Variants in RSU1 observed in about 807,000 individuals in gnomAD.
RSU1 encodes Ras suppressor protein 1, also known as rsu-1.
Under a neutral mutation model 31.1 loss-of-function variants are expected in RSU1, and 26 were observed. The ratio of observed to expected loss-of-function variants is 0.84; its 90% CI spans 0.61 to 1.16. The LOEUF (loss-of-function observed/expected upper bound fraction) is 1.16. Among genes scored for constraint, RSU1 ranks in the 50% most tolerant of loss-of-function variants. RSU1 has a pLI of 0.00. For missense variants in RSU1, 320 were observed against 339.1 expected (o/e 0.94, Z 0.44); for synonymous variants, 164 against 136.3 (o/e 1.20, Z -1.41).
chr10:16,622,025 T>C (rs1834079504), intron 8 of RSU1, among the ~76,000 whole-genome samples: 1 of 152,156 alleles, frequency 6.6e-6, no homozygotes, highest in East Asian at 1.9e-4. Flanking sequence ...TACTCCATTC[T>C]CCATGCTCTG....
At chr10:16,797,431 A>C (rs1352234749) in intron 2 of RSU1, among the ~76,000 whole-genome samples, 1 of 152,258 alleles carries the variant, frequency 6.6e-6, no homozygotes, top group East Asian at 1.9e-4. Context: ...TAGAAAAGCT[A>C]TCTAGAACTA....
chr10:16,669,053 T>C (rs1835054091), intron 8 of RSU1, among the ~76,000 whole-genome samples: 1 of 152,204 alleles, frequency 6.6e-6, no homozygotes, highest in Admixed American at 6.5e-5. Context: ...CTCACTACTT[T>C]GACCTGCAGT....
intron 2 of RSU1, among the ~76,000 whole-genome samples, chr10:16,803,609 T>C (rs1347190351): frequency 6.6e-6 from 1 of 152,164 alleles, no homozygotes; most frequent in African/African-American, 2.4e-5. Flanking sequence ...AACAAGACAG[T>C]GTGGAGTTGG....
At chr10:16,741,856 T>G (rs188764427) in intron 7 of RSU1, among the ~76,000 whole-genome samples, 340 of 152,328 alleles carry the variant, frequency 2.2e-3, no homozygotes, top group Non-Finnish European at 3.6e-3. Flanking sequence ...TTGGGGAAGC[T>G]TACATTCTAG....
chr10:16,621,353 C>T lies in RSU1; in HGVS notation c.732-27857G>A, dbSNP rs747343733. Among the ~76,000 whole-genome samples the T allele has an allele frequency of 3.9e-5, 6 of 152,230 alleles. No individual in the cohort carries two copies. The South Asian group carries it at 8.3e-4, about 21-fold the overall frequency. ...GGTAAAATTAAATCTGAGGCCCCTA[C>T]GAATATTAACACTATGGACACTGGC... On this transcript the variant is annotated intron_variant, in intron 8 of 8. Transcript: ENST00000345264.
chr10:16,735,941 G>C (rs1232226129), intron 7 of RSU1, among the ~76,000 whole-genome samples: 2 of 152,116 alleles, frequency 1.3e-5, no homozygotes, highest in Admixed American at 1.3e-4. Context: ...ATGCATGAGG[G>C]AAGGAAAATG....
At chr10:16,765,643 T>C (rs1837299079) in intron 3 of RSU1, among the ~76,000 whole-genome samples, 1 of 152,330 alleles carries the variant, frequency 6.6e-6, no homozygotes, top group South Asian at 2.1e-4. Flanking sequence ...TATTCAGTCT[T>C]TCTACAAACA....
intron 8 of RSU1, among the ~76,000 whole-genome samples, chr10:16,687,521 A>G (rs975500273): frequency 6.6e-6 from 1 of 152,202 alleles, no homozygotes; most frequent in Non-Finnish European, 1.5e-5. Flanking sequence ...CAAGGCAGAA[A>G]AAAAAATCCT....
chr10:16,730,239 A>G (rs549292235), intron 7 of RSU1, among the ~76,000 whole-genome samples: 79 of 152,294 alleles, frequency 5.2e-4, no homozygotes, highest in Middle Eastern at 3.4e-3. Context: ...ATCCGCCCCA[A>G]TGTCCCAAAG....
chr10:16,756,323 T>G lies in RSU1; in HGVS notation c.282-1334A>C, dbSNP rs555536451. Among the ~76,000 whole-genome samples the G allele has an allele frequency of 8.5e-5, 13 of 152,328 alleles. No individual in the cohort carries two copies. In the South Asian group the frequency reaches 2.7e-3, roughly 32 times the overall value. On this transcript the variant is annotated intron_variant, in intron 4 of 8. Transcript: ENST00000345264. Reference sequence around the variant, plus strand: ...TCTACTACAAAGACGGTACATTTTGTGTGCATTTTATCACAACCTAAAAAA... The same window carrying G: ...TCTACTACAAAGACGGTACATTTTGGGTGCATTTTATCACAACCTAAAAAA...
At chr10:16,688,654 T>C (rs539885560) in intron 8 of RSU1, among the ~76,000 whole-genome samples, 2 of 151,966 alleles carry the variant, frequency 1.3e-5, no homozygotes, top group Non-Finnish European at 1.5e-5. Flanking sequence ...ATGAAGAAAA[T>C]ATATATCACC....
chr10:16,807,306 C>T (rs1838294245), intron 2 of RSU1, among the ~76,000 whole-genome samples: 1 of 152,150 alleles, frequency 6.6e-6, no homozygotes, highest in African/African-American at 2.4e-5. Flanking sequence ...AATGGATATG[C>T]AAAGAAACGG....
intron 8 of RSU1, among the ~76,000 whole-genome samples, chr10:16,629,280 TATCAG>T (rs141129909): frequency 0.011 from 1,629 of 152,180 alleles, 23 homozygotes; most frequent in African/African-American, 0.037. Context: ...CCTACTTGAG[TATCAG>T]ATGTTTATGC....
intron 8 of RSU1, among the ~76,000 whole-genome samples, chr10:16,654,485 C>T (rs1834738876): frequency 6.7e-6 from 1 of 150,078 alleles, no homozygotes; most frequent in Non-Finnish European, 1.5e-5. Context: ...GCCCGAGCAA[C>T]ATGGTGAAAC....
chr10:16,790,383 G>T (rs1020759870), intron 2 of RSU1, among the ~76,000 whole-genome samples: 3 of 152,198 alleles, frequency 2.0e-5, no homozygotes, highest in African/African-American at 7.2e-5. Context: ...ACAACTTACG[G>T]AACAGAGAAT....
intron 8 of RSU1, among the ~76,000 whole-genome samples, chr10:16,643,221 A>G (rs1036313880): frequency 6.6e-6 from 1 of 152,184 alleles, no homozygotes; most frequent in Admixed American, 6.5e-5. Context: ...ATAAATAACA[A>G]TTTATAGAAG....
At chr10:16,611,461 T>C (rs1833890616) in intron 8 of RSU1, among the ~76,000 whole-genome samples, 1 of 152,206 alleles carries the variant, frequency 6.6e-6, no homozygotes, top group Non-Finnish European at 1.5e-5. Context: ...AACTGAAAAC[T>C]AAAGAAAAGG....
At chr10:16,703,230 T>C (rs1835830406) in intron 7 of RSU1, among the ~76,000 whole-genome samples, 1 of 152,186 alleles carries the variant, frequency 6.6e-6, no homozygotes, top group African/African-American at 2.4e-5. Context: ...CTGTTCTTTA[T>C]AAATTACCCA....
intron 8 of RSU1, among the ~76,000 whole-genome samples, chr10:16,634,615 T>G (rs1834314725): frequency 6.6e-6 from 1 of 152,226 alleles, no homozygotes; most frequent in Non-Finnish European, 1.5e-5. Context: ...CTGTGTCCAG[T>G]ATATTAAATG....
Sources: allele counts gnomAD v4.1 joint callset (sites outside exome capture counted in the v4.1 genomes callset), GRCh38; gene constraint gnomAD v4.1.1; transcripts MANE v1.5; gene names NCBI Gene and HGNC (gene_info 2026-07-23, HGNC 2026-07-21).